The following TSPEAR variants were observed in gnomAD, a reference collection of about 807,000 sequenced individuals.
The protein encoded by TSPEAR is thrombospondin type laminin G domain and EAR repeats.
TSPEAR carries 69 observed loss-of-function variants against 71.6 expected under a neutral mutation model. The observed-to-expected ratio is 0.96, with a 90% CI of 0.79 to 1.18. The LOEUF is 1.18. Ranked by LOEUF, TSPEAR falls within the 50% of genes most tolerant of loss-of-function variation. The pLI is 0.00. For missense variants in TSPEAR, 971 were observed against 894.9 expected (o/e 1.09, Z -1.09); for synonymous variants, 402 against 387.2 (o/e 1.04, Z -0.45).
intron 1 of TSPEAR, among the ~76,000 whole-genome samples, chr21:44,587,329 C>T (rs1445628677): frequency 6.6e-6 from 1 of 152,204 alleles, no homozygotes; most frequent in Non-Finnish European, 1.5e-5. Context: ...TATACCTACC[C>T]AAGGAGGTGA....
chr21:44,549,901 G>A (rs587675828), intron 2 of TSPEAR, among the ~76,000 whole-genome samples: 82 of 152,336 alleles, frequency 5.4e-4, no homozygotes, highest in African/African-American at 1.6e-3. Context: ...AACAGAGGGC[G>A]CCCCTGAGCG....
intron 1 of TSPEAR, chr21:44,646,923 G>A: frequency 6.2e-7 from 1 of 1,609,400 alleles, no homozygotes; most frequent in Admixed American, 1.7e-5. Flanking sequence ...GCAAGCCTGT[G>A]TGCTGTGTGT....
chr21:44,683,046 T>A (rs1986685910), intron 1 of TSPEAR, among the ~76,000 whole-genome samples: 1 of 151,762 alleles, frequency 6.6e-6, no homozygotes, highest in Non-Finnish European at 1.5e-5. Context: ...CACGTCGACA[T>A]CCAGCCGAGA....
At chr21:44,579,099 C>G (rs1978681105) in intron 1 of TSPEAR, among the ~76,000 whole-genome samples, 2 of 152,162 alleles carry the variant, frequency 1.3e-5, no homozygotes, top group South Asian at 4.1e-4. Flanking sequence ...GGGAGGGTGA[C>G]CAGGCCTGGA....
intron 2 of TSPEAR, chr21:44,539,911 G>A: frequency 6.2e-7 from 1 of 1,614,062 alleles, no homozygotes; most frequent in Middle Eastern, 1.7e-4. Context: ...TAGACTGCTG[G>A]CAGCACGAGG....
chr21:44,539,869 G>T (rs782361385), intron 2 of TSPEAR: 2 of 1,578,960 alleles, frequency 1.3e-6, no homozygotes, highest in African/African-American at 2.7e-5. Context: ...CCTGCTGGCA[G>T]GGGGAGGAGG....
chr21:44,504,995 G>C, intron 10 of TSPEAR, 114 bp from the exon 11 acceptor site: 1 of 738,042 alleles, frequency 1.4e-6, no homozygotes, highest in South Asian at 1.5e-5. Context: ...CCAAAGTGGG[G>C]AGTGATTTTC....
intron 1 of TSPEAR, among the ~76,000 whole-genome samples, chr21:44,603,524 A>G (rs1265670493): frequency 4.6e-5 from 7 of 152,192 alleles, no homozygotes; most frequent in Non-Finnish European, 8.8e-5. Flanking sequence ...GCATCCAGGC[A>G]TGTGAGCCTC....
intron 1 of TSPEAR, chr21:44,637,865 G>C: frequency 6.5e-7 from 1 of 1,530,510 alleles, no homozygotes; most frequent in Non-Finnish European, 8.9e-7. Flanking sequence ...CTGTGTGCCT[G>C]TCTGCTCTAA....
chr21:44,671,694 GAA>G (rs1217229565), intron 1 of TSPEAR, among the ~76,000 whole-genome samples: 4 of 152,106 alleles, frequency 2.6e-5, no homozygotes, highest in African/African-American at 9.7e-5. Context: ...ACATCTGCAG[GAA>G]AAAGTCTTCT....
In TSPEAR at chr21:44,592,419, A is replaced by G. The variant is rs369235293; in HGVS notation, c.83-24414T>C. 3 of 1,608,274 alleles carry G rather than the reference A, an allele frequency of 1.9e-6. No individual in the cohort carries two copies. In the South Asian group the frequency reaches 3.3e-5, roughly 18 times the overall value. ...AGTCGGAGCAAGAGTCACAGGAACC[A>G]GGAAGGCAGACGCGGCTGCCGTAGC... On this transcript the variant is annotated intron_variant, in intron 1 of 11. Coordinates refer to ENST00000323084, the MANE Select transcript of TSPEAR (RefSeq NM_144991.3).
intron 11 of TSPEAR, among the ~76,000 whole-genome samples, chr21:44,502,925 G>A (rs376640798): frequency 2.8e-5 from 2 of 70,912 alleles, no homozygotes. Flanking sequence ...GGAGGAAGCT[G>A]GCCTCAGTGA....
chr21:44,531,181 C>G, intron 3 of TSPEAR, 48 bp from the exon 4 acceptor site: 1 of 1,470,000 alleles, frequency 6.8e-7, no homozygotes. Flanking sequence ...AGTGGTCACC[C>G]CAGTTTACTC....
At chr21:44,511,661 A>C (rs2052382851) in intron 9 of TSPEAR, among the ~76,000 whole-genome samples, 1 of 152,254 alleles carries the variant, frequency 6.6e-6, no homozygotes. Context: ...GAAAAGACTG[A>C]GGACACACGC....
chr21:44,543,798 T>C (rs1555917488), intron 2 of TSPEAR, among the ~76,000 whole-genome samples: 1 of 152,222 alleles, frequency 6.6e-6, no homozygotes, highest in East Asian at 1.9e-4. Context: ...CATTGCCCTG[T>C]GGAAACCTTC....
At chr21:44,579,603 A>T in intron 1 of TSPEAR, 1 of 901,120 alleles carries the variant, frequency 1.1e-6, no homozygotes, top group East Asian at 2.6e-5. Context: ...GGAGCTGGGG[A>T]GCTTCGAGGA....
At chr21:44,526,604 G>A (rs965437594) in intron 7 of TSPEAR, among the ~76,000 whole-genome samples, 4 of 152,264 alleles carry the variant, frequency 2.6e-5, no homozygotes, top group Admixed American at 6.5e-5. Context: ...TGTGTTCACT[G>A]CTTTAGCCCT....
Position 44,637,583 on chromosome 21 carries a change from G to A in TSPEAR, c.83-69578C>T, listed in dbSNP as rs782245657. ...TGTGTCCAGCCCCTGCTGCCAGACG[G>A]CCTGTGAGCCCAGCGCCTGCCAATC... is the stretch of plus-strand genomic sequence containing the variant. On this transcript the variant is annotated intron_variant, in intron 1 of 11. Coordinates refer to ENST00000323084, the MANE Select transcript of TSPEAR (RefSeq NM_144991.3). The A allele has an allele frequency of 1.9e-6, 3 of 1,613,814 alleles. No individual in the cohort carries two copies. The highest frequency in any genetic ancestry group is 2.5e-6 in the Non-Finnish European group (3 of 1,179,990).
At position 44,527,395 on chromosome 21, in the gene TSPEAR, G is replaced by A; in HGVS notation, c.1046C>T (p.Ala349Val). The change falls in exon 7 of 12, where the codon GCC becomes GTC. Residue 349 changes from alanine to valine, a missense_variant. Physicochemically the swap from Ala to Val is moderately conservative, Grantham distance 64. Transcript: ENST00000323084. ...GLFVATANRK[A>V]TSAVYKWTEE... is the part of the protein sequence containing the mutation. The stretch of plus-strand genomic sequence containing the variant: ...GGTCCACTTGTAGACGGCGGATGTG[G>A]CTTTGCGATTGGCTGTGGCCACAAA... 1.9e-6 allele frequency: 3 copies of A among 1,614,232 alleles called. No homozygotes were observed. Among genetic ancestry groups the A allele is most frequent in the Non-Finnish European group, 2.5e-6 (3 of 1,180,050 alleles).
Sources: allele counts gnomAD v4.1 joint callset (sites outside exome capture counted in the v4.1 genomes callset), GRCh38; gene constraint gnomAD v4.1.1; transcripts MANE v1.5; gene names NCBI Gene and HGNC (gene_info 2026-07-23, HGNC 2026-07-21).